Variants in CPQ observed in about 807,000 individuals in gnomAD.
CPQ encodes the protein carboxypeptidase Q, also known as Ser-Met dipeptidase.
Under a neutral mutation model 45.7 loss-of-function variants are expected in CPQ, and 37 were observed. That is an observed-to-expected ratio of 0.81 (90% CI 0.62 to 1.07). CPQ has a LOEUF of 1.07. Among genes scored for constraint, CPQ ranks in the 50% least tolerant of loss-of-function variants. The pLI, the probability that CPQ is intolerant of heterozygous loss-of-function variation, is 0.00. For synonymous variants in CPQ, 186 were observed against 205.8 expected, an observed-to-expected ratio of 0.90 and a Z score of 0.82; for missense variants, 537 against 572.9, an observed-to-expected ratio of 0.94 and a Z score of 0.64.
intron 1 of CPQ, among the ~76,000 whole-genome samples, chr8:96,733,479 T>C (rs1168811205): frequency 1.3e-5 from 2 of 152,234 alleles, no homozygotes; most frequent in Admixed American, 1.3e-4. Context: ...GTTTTAACAA[T>C]GAACTTTTCC....
At chr8:96,996,161 T>C (rs912936780) in intron 5 of CPQ, among the ~76,000 whole-genome samples, 10 of 152,042 alleles carry the variant, frequency 6.6e-5, no homozygotes, top group African/African-American at 2.2e-4. Context: ...TGAGGGCTTT[T>C]GCTGATTTTA....
At chr8:96,788,102 A>T (rs1419375896) in intron 2 of CPQ, among the ~76,000 whole-genome samples, 3 of 139,752 alleles carry the variant, frequency 2.1e-5, no homozygotes, top group African/African-American at 7.9e-5. Flanking sequence ...TATTTTCAGC[A>T]CTTTGAATAC....
intron 3 of CPQ, among the ~76,000 whole-genome samples, chr8:96,856,855 A>G (rs974560105): frequency 1.3e-5 from 2 of 152,224 alleles, no homozygotes; most frequent in African/African-American, 4.8e-5. Context: ...ACTAGACTCT[A>G]ACATCTGTGA....
At chr8:97,013,044 A>G (rs551667744) in intron 5 of CPQ, among the ~76,000 whole-genome samples, 1 of 152,252 alleles carries the variant, frequency 6.6e-6, no homozygotes, top group Admixed American at 6.5e-5. Flanking sequence ...ATAATGGCCC[A>G]GATCTAATAG....
chr8:96,959,891 CAA>C (rs540520742), intron 4 of CPQ, among the ~76,000 whole-genome samples: 980 of 80,524 alleles, frequency 0.012, 10 homozygotes, highest in African/African-American at 0.033. Context: ...ATCACAAAAG[CAA>C]AAAAAAAAAA....
At chr8:97,014,641 C>CAAA (rs368425080) in intron 5 of CPQ, among the ~76,000 whole-genome samples, 4 of 58,602 alleles carry the variant, frequency 6.8e-5, no homozygotes, top group African/African-American at 1.7e-4. Context: ...GACTCCATCT[C>CAAA]AAAAAAAAAA....
chr8:96,649,658 C>A (rs887607781), intron 1 of CPQ, among the ~76,000 whole-genome samples: 1 of 152,312 alleles, frequency 6.6e-6, no homozygotes, highest in Middle Eastern at 3.4e-3. Flanking sequence ...AGCTGTGGAA[C>A]ATCTGGGTGG....
At chr8:97,058,075 C>A (rs376557636) in intron 6 of CPQ, among the ~76,000 whole-genome samples, 1 of 152,010 alleles carries the variant, frequency 6.6e-6, no homozygotes. Flanking sequence ...GTAAAGAGTA[C>A]TTGATCAAAT....
intron 5 of CPQ, among the ~76,000 whole-genome samples, chr8:96,999,153 A>G (rs1407641190): frequency 1.3e-5 from 2 of 151,936 alleles, no homozygotes; most frequent in African/African-American, 2.4e-5. Context: ...TTTAGCAAGT[A>G]TGTTAAGTGG....
At chr8:96,890,089 A>G (rs184140848) in intron 4 of CPQ, among the ~76,000 whole-genome samples, 2 of 152,366 alleles carry the variant, frequency 1.3e-5, no homozygotes, top group East Asian at 1.9e-4. Flanking sequence ...TATGCCTAAT[A>G]TAATACAGCT....
intron 4 of CPQ, among the ~76,000 whole-genome samples, chr8:96,954,164 G>A (rs547321862): frequency 1.3e-5 from 2 of 152,008 alleles, no homozygotes; most frequent in African/African-American, 4.8e-5. Context: ...TACTGTTTAT[G>A]CTAATAAATA....
chr8:97,050,134 T>G (rs978101135), intron 6 of CPQ, among the ~76,000 whole-genome samples: 14 of 152,198 alleles, frequency 9.2e-5, no homozygotes, highest in Admixed American at 2.6e-4. Context: ...TTGAACACTC[T>G]AGAGTCTATT....
intron 4 of CPQ, among the ~76,000 whole-genome samples, chr8:96,929,900 T>C (rs1250095067): frequency 2.0e-5 from 3 of 152,178 alleles, no homozygotes; most frequent in Non-Finnish European, 4.4e-5. Flanking sequence ...AACAGCATTT[T>C]CTGTGTACTA....
chr8:96,703,374 A>G (rs563295854), intron 1 of CPQ, among the ~76,000 whole-genome samples: 1 of 152,336 alleles, frequency 6.6e-6, no homozygotes, highest in African/African-American at 2.4e-5. Flanking sequence ...CTCATGCACA[A>G]TATCTTATGT....
chr8:96,759,646 C>A (rs936935842), intron 1 of CPQ, among the ~76,000 whole-genome samples: 1 of 152,024 alleles, frequency 6.6e-6, no homozygotes, highest in Non-Finnish European at 1.5e-5. Flanking sequence ...TGTTGAGATT[C>A]TCTTAACATT....
chr8:96,787,586 A>T (rs182255815), intron 2 of CPQ, among the ~76,000 whole-genome samples: 60 of 121,686 alleles, frequency 4.9e-4, no homozygotes, highest in African/African-American at 1.8e-3. Context: ...TCATGAAATC[A>T]GTGGCAAAGT....
At chr8:97,041,091 T>A (rs561658125) in intron 6 of CPQ, among the ~76,000 whole-genome samples, 39 of 152,328 alleles carry the variant, frequency 2.6e-4, no homozygotes, top group African/African-American at 8.7e-4. Flanking sequence ...GACATTTTCA[T>A]GATATTGATT....
intron 7 of CPQ, among the ~76,000 whole-genome samples, chr8:97,116,598 T>C (rs1170220674): frequency 6.6e-6 from 1 of 152,220 alleles, no homozygotes; most frequent in Non-Finnish European, 1.5e-5. Flanking sequence ...CAGGACTGTG[T>C]GGATCCCTCT....
chr8:96,994,619 A>G (rs1178329159), intron 5 of CPQ, among the ~76,000 whole-genome samples: 1 of 152,080 alleles, frequency 6.6e-6, no homozygotes, highest in Non-Finnish European at 1.5e-5. Flanking sequence ...TACTAAGGAG[A>G]GCGTAGAAGG....
Sources: allele counts gnomAD v4.1 joint callset (sites outside exome capture counted in the v4.1 genomes callset), GRCh38; gene constraint gnomAD v4.1.1; transcripts MANE v1.5; gene names NCBI Gene and HGNC (gene_info 2026-07-23, HGNC 2026-07-21).